Variants in CYP39A1 observed in about 807,000 individuals in gnomAD.
CYP39A1 encodes the protein cytochrome P450 family 39 subfamily A member 1, also known as 24-hydroxycholesterol 7-alpha-hydroxylase.
CYP39A1 carries 49 observed loss-of-function variants against 58.1 expected under a neutral mutation model. That is an observed-to-expected ratio of 0.84 (90% confidence interval 0.67 to 1.07). The LOEUF (loss-of-function observed/expected upper bound fraction) is 1.07. Ranked by LOEUF, CYP39A1 falls within the 50% of genes least tolerant of loss-of-function variation. The probability of loss-of-function intolerance (pLI) is 0.00; values close to 1 mark genes in which losing one functional copy is unlikely to be tolerated. For synonymous variants in CYP39A1, 209 were observed against 187.6 expected (o/e 1.11, Z -0.93); for missense variants, 531 against 539.4 (o/e 0.98, Z 0.16).
intron 10 of CYP39A1, among the ~76,000 whole-genome samples, chr6:46,575,346 G>C (rs904178634): frequency 2.0e-5 from 3 of 152,180 alleles, no homozygotes; most frequent in African/African-American, 7.2e-5. Context: ...GACCTGGAGA[G>C]AGTGGGGTTG....
At chr6:46,611,884 T>C (rs1774236900) in intron 7 of CYP39A1, among the ~76,000 whole-genome samples, 7 of 152,166 alleles carry the variant, frequency 4.6e-5, no homozygotes, top group Admixed American at 4.6e-4. Flanking sequence ...ACTTTAATAG[T>C]TTTTACCTTA....
chr6:46,557,355 T>C (rs1374859100), intron 10 of CYP39A1, among the ~76,000 whole-genome samples: 2 of 151,602 alleles, frequency 1.3e-5, no homozygotes, highest in African/African-American at 4.8e-5. Context: ...AAGAAAATCA[T>C]GCCGACTGGG....
At chr6:46,603,783 A>G (rs1773660738) in intron 7 of CYP39A1, among the ~76,000 whole-genome samples, 1 of 152,306 alleles carries the variant, frequency 6.6e-6, no homozygotes, top group African/African-American at 2.4e-5. Flanking sequence ...AAGGCTATGT[A>G]TTTACTCTCT....
At chr6:46,603,487 A>C (rs971075109) in intron 7 of CYP39A1, among the ~76,000 whole-genome samples, 3 of 152,122 alleles carry the variant, frequency 2.0e-5, no homozygotes, top group Non-Finnish European at 1.5e-5. Flanking sequence ...TGCCCCTTTT[A>C]TCTACCCTCC....
chr6:46,589,504 T>C (rs1322438480), intron 8 of CYP39A1, among the ~76,000 whole-genome samples: 1 of 151,872 alleles, frequency 6.6e-6, no homozygotes, highest in Non-Finnish European at 1.5e-5. Flanking sequence ...GGAGTATGGG[T>C]AGGGATGTCA....
intron 5 of CYP39A1, among the ~76,000 whole-genome samples, chr6:46,632,465 G>T (rs1775721256): frequency 1.4e-5 from 2 of 145,478 alleles, no homozygotes; most frequent in South Asian, 2.2e-4. Flanking sequence ...TATTTGTCAG[G>T]TTTTTTTTTT....
chr6:46,588,996 T>C (rs1772648185), intron 8 of CYP39A1, among the ~76,000 whole-genome samples: 1 of 152,192 alleles, frequency 6.6e-6, no homozygotes, highest in Admixed American at 6.6e-5. Flanking sequence ...GCTAGATAGC[T>C]ACCAACTTTA....
chr6:46,598,876 T>G (rs562225965), intron 7 of CYP39A1, among the ~76,000 whole-genome samples: 1 of 152,236 alleles, frequency 6.6e-6, no homozygotes, highest in South Asian at 2.1e-4. Flanking sequence ...GTGCCCGGTA[T>G]GTACTAAGTG....
chr6:46,566,371 A>G (rs888785746), intron 10 of CYP39A1, among the ~76,000 whole-genome samples: 2 of 152,194 alleles, frequency 1.3e-5, no homozygotes, highest in Admixed American at 6.6e-5. Context: ...ATGGCTAGGG[A>G]AGCCTCAGGA....
intron 10 of CYP39A1, among the ~76,000 whole-genome samples, chr6:46,567,337 C>CATAT (rs546524293): frequency 7.2e-6 from 1 of 138,340 alleles, no homozygotes; most frequent in Non-Finnish European, 1.5e-5. Flanking sequence ...AAAAATATTC[C>CATAT]ATATATATAT....
At chr6:46,641,494 T>G (rs1193071440) in intron 2 of CYP39A1, among the ~76,000 whole-genome samples, 1 of 151,670 alleles carries the variant, frequency 6.6e-6, no homozygotes, top group African/African-American at 2.4e-5. Flanking sequence ...CCACAGAGAA[T>G]AGAAGCAAGC....
intron 7 of CYP39A1, among the ~76,000 whole-genome samples, chr6:46,616,949 T>C (rs115038029): frequency 0.01 from 1,591 of 151,832 alleles, 23 homozygotes; most frequent in African/African-American, 0.036. Flanking sequence ...CACCAAGAGA[T>C]TGGCGATCGA....
intron 8 of CYP39A1, among the ~76,000 whole-genome samples, chr6:46,592,773 TG>T (rs1251032517): frequency 6.6e-6 from 1 of 152,048 alleles, no homozygotes; most frequent in East Asian, 1.9e-4. Flanking sequence ...CTGGCCAACA[TG>T]GTGAAATCCT....
At chr6:46,637,280 A>G (rs1672299828) in intron 4 of CYP39A1, among the ~76,000 whole-genome samples, 1 of 152,170 alleles carries the variant, frequency 6.6e-6, no homozygotes, top group Non-Finnish European at 1.5e-5. Context: ...TGAGAAATAA[A>G]TTTCTGTTGT....
chr6:46,635,994 A>C (rs1370708865), intron 5 of CYP39A1, among the ~76,000 whole-genome samples: 1 of 152,146 alleles, frequency 6.6e-6, no homozygotes, highest in Non-Finnish European at 1.5e-5. Flanking sequence ...AAATTATACT[A>C]TTCTGCTTCC....
chr6:46,588,777 G>T (rs1772634695), intron 8 of CYP39A1, among the ~76,000 whole-genome samples: 1 of 152,110 alleles, frequency 6.6e-6, no homozygotes, highest in Non-Finnish European at 1.5e-5. Flanking sequence ...TGTTTGGTTG[G>T]GTTTGTGTTT....
In CYP39A1 at chr6:46,595,991, A is replaced by C; in HGVS notation, c.1061T>G (p.Ile354Ser). ...ITRKVVKPVE[I>S]LNYIIPSGDL... ...TAAAACCAAACCAAAGCTTACCAAA[A>C]TTTCCACAGGCTTCACCACTTTTCT... The change falls in exon 8 of 12, where the codon ATT becomes AGT. Residue 354 changes from isoleucine (I) to serine (S), a missense_variant. Coordinates refer to ENST00000275016, the MANE Select transcript of CYP39A1 (RefSeq NM_016593.5). 6.2e-7 allele frequency: 1 copy of C among 1,607,352 alleles called. No individual in the cohort carries two copies. Among genetic ancestry groups the C allele is most frequent in the Non-Finnish European group, 8.5e-7 (1 of 1,177,712 alleles).
At chr6:46,582,969 A>G in intron 10 of CYP39A1, 3 of 687,234 alleles carry the variant, frequency 4.4e-6, no homozygotes, top group Non-Finnish European at 5.4e-6. Flanking sequence ...GTACTACTAA[A>G]TTACTATTAG....
chr6:46,564,178 TTATTC>T (rs202176503), intron 10 of CYP39A1, among the ~76,000 whole-genome samples: 11 of 132,348 alleles, frequency 8.3e-5, no homozygotes, highest in East Asian at 2.0e-4. Context: ...TTATTCTATT[TTATTC>T]TATTTTATTT....
Sources: allele counts gnomAD v4.1 joint callset (sites outside exome capture counted in the v4.1 genomes callset), GRCh38; gene constraint gnomAD v4.1.1; transcripts MANE v1.5; gene names NCBI Gene and HGNC (gene_info 2026-07-23, HGNC 2026-07-21).